Variants in SLC25A15 observed in about 807,000 individuals in gnomAD.
SLC25A15 encodes mitochondrial ornithine transporter 1.
In SLC25A15, 24 loss-of-function variants were observed where a neutral mutation model predicts 32.3. That is an observed-to-expected ratio of 0.74 (90% confidence interval 0.54 to 1.04). The LOEUF is 1.04. Among genes scored for constraint, SLC25A15 ranks in the 50% least tolerant of loss-of-function variants. The pLI, the probability that SLC25A15 is intolerant of heterozygous loss-of-function variation, is 0.00. For synonymous variants in SLC25A15, 132 were observed against 142.1 expected (o/e 0.93, Z 0.51); for missense variants, 317 against 374.5 (o/e 0.85, Z 1.27).
chr13:40,799,079 C>G lies in SLC25A15; in HGVS notation c.78C>G (p.Thr26=). ...CAGGAGGTACAGCATGTGTACTGAC[C>G]GGGCAGCCCTTTGACACAATGAAAG... ...GAAGGTACVL[T]GQPFDTMKVK... is the part of the protein sequence containing the mutation. Residue 26 remains threonine, a synonymous_variant, in exon 3 of 7, where the codon ACC becomes ACG. Coordinates refer to ENST00000338625, the MANE Select transcript of SLC25A15 (RefSeq NM_014252.4). 2 of 1,614,122 alleles carry G rather than the reference C, an allele frequency of 1.2e-6. No homozygotes were observed. The highest frequency in any genetic ancestry group is 1.7e-6 in the Non-Finnish European group (2 of 1,180,006).
intron 3 of SLC25A15, 36 bp downstream of exon 3, chr13:40,799,351 A>T (rs778784726): frequency 6.2e-7 from 1 of 1,613,720 alleles, no homozygotes; most frequent in African/African-American, 1.3e-5. Flanking sequence ...TATTTGTTTA[A>T]AAAAACCCCA....
At chr13:40,793,662 A>T (rs1219169733) in intron 2 of SLC25A15, among the ~76,000 whole-genome samples, 1 of 152,208 alleles carries the variant, frequency 6.6e-6, no homozygotes, top group African/African-American at 2.4e-5. Context: ...CTATTCCTCA[A>T]CTACTCTCTA....
At chr13:40,790,597 A>G (rs1881444332) in intron 1 of SLC25A15, among the ~76,000 whole-genome samples, 1 of 151,902 alleles carries the variant, frequency 6.6e-6, no homozygotes. Flanking sequence ...TTGTTTGTTT[A>G]TTTTTTTGAG....
intron 5 of SLC25A15, among the ~76,000 whole-genome samples, chr13:40,807,746 A>G (rs930478160): frequency 1.3e-5 from 2 of 152,188 alleles, no homozygotes; most frequent in South Asian, 4.1e-4. Flanking sequence ...TTTAGGGGAG[A>G]AGAAATCCAG....
rs1391781189 is a variant in SLC25A15, at chr13:40,810,780, GGC to G, written c.*1114_*1115del. The G allele has an allele frequency of 1.9e-6, 1 of 534,682 alleles. No homozygotes were observed. The highest frequency in any genetic ancestry group is 3.8e-6 in the Non-Finnish European group (1 of 260,108). The allele number at this position is 534,682 out of a possible 1,614,324, so 33.1% of individuals were successfully genotyped here. On this transcript the variant is annotated 3_prime_UTR_variant, in exon 7 of 7. Transcript: ENST00000338625. ...TTCTTGGGCTTTAGATTGAGGAAGG[GGC>G]TGAGTGGTAGGCGGTGCTGCTGTGC... is the stretch of plus-strand genomic sequence containing the variant.
Position 40,810,795 on chromosome 13 carries a change from G to A in SLC25A15, c.*1128G>A, listed in dbSNP as rs188415420. 2.6e-5 allele frequency: 14 copies of A among 534,788 alleles called. No individual in the cohort carries two copies. Among genetic ancestry groups the A allele is most frequent in the East Asian group, 1.1e-4 (2 of 18,356 alleles). 33.1% of individuals were successfully genotyped at this position (534,788 alleles called of 1,614,324 possible). A position where few individuals can be genotyped will look rare whatever the true frequency, so the allele number is the denominator to read the frequency against. ...TTGAGGAAGGGGCTGAGTGGTAGGCGGTGCTGCTGTGCTCTGATGAAGACC... is the reference window on the plus strand; with the variant it reads ...TTGAGGAAGGGGCTGAGTGGTAGGCAGTGCTGCTGTGCTCTGATGAAGACC... On this transcript the variant is annotated 3_prime_UTR_variant, in exon 7 of 7. Transcript: ENST00000338625.
intron 2 of SLC25A15, among the ~76,000 whole-genome samples, chr13:40,797,360 T>A (rs1881700103): frequency 1.3e-5 from 2 of 152,234 alleles, no homozygotes; most frequent in Admixed American, 6.5e-5. Flanking sequence ...TTATTCAGCT[T>A]ATCTGCATCT....
Position 40,793,374 on chromosome 13 carries a change from G to A in SLC25A15, c.55+93G>A, listed in dbSNP as rs111304627. On this transcript the variant is annotated intron_variant, in intron 2 of 6. Coordinates refer to ENST00000338625, the MANE Select transcript of SLC25A15 (RefSeq NM_014252.4). ...GAGATTATACTACCATATTTTTACT[G>A]TACCTTTTCTGTGTTTAGATACATT... is the stretch of plus-strand genomic sequence containing the variant. 10,117 of 1,113,788 alleles carry A rather than the reference G, an allele frequency of 9.1e-3. 81 individuals are homozygous for A. The highest frequency in any genetic ancestry group is 0.023 in the African/African-American group (1,520 of 65,222). 69.0% of individuals were successfully genotyped at this position (1,113,788 alleles called of 1,614,324 possible).
rs760782484 is a variant in SLC25A15, at chr13:40,809,695, C to T, written c.*28C>T. 1.2e-5 allele frequency: 19 copies of T among 1,611,558 alleles called. No homozygotes were observed. The Admixed American group carries it at 2.0e-4, about 17-fold the overall frequency. On this transcript the variant is annotated 3_prime_UTR_variant, in exon 7 of 7. Transcript: ENST00000338625. ...TGTCTTGGTGGGCCTGAGCCAAGCA[C>T]AGGTGTTTGAGGACTACAGTTCATC...
chr13:40,794,009 C>T (rs185065003), intron 2 of SLC25A15, among the ~76,000 whole-genome samples: 25 of 152,304 alleles, frequency 1.6e-4, no homozygotes, highest in Non-Finnish European at 2.9e-4. Context: ...CTTACTGTCC[C>T]TGCTAGTGTT....
chr13:40,799,008 T>C, intron 2 of SLC25A15, 49 bp from the exon 3 acceptor site: 1 of 1,613,680 alleles, frequency 6.2e-7, no homozygotes, highest in Non-Finnish European at 8.5e-7. Flanking sequence ...CTTCCATGGA[T>C]AATGGAACTG....
At chr13:40,790,011 G>A (rs1224091107) in intron 1 of SLC25A15, among the ~76,000 whole-genome samples, 1 of 152,206 alleles carries the variant, frequency 6.6e-6, no homozygotes, top group Non-Finnish European at 1.5e-5. Flanking sequence ...CTGGGCAGGG[G>A]CGGTGAACGT....
At chr13:40,795,784 G>A (rs1016226497) in intron 2 of SLC25A15, among the ~76,000 whole-genome samples, 3 of 152,174 alleles carry the variant, frequency 2.0e-5, no homozygotes, top group African/African-American at 4.8e-5. Flanking sequence ...GAGGATCTTG[G>A]AGTCTTGGAG....
chr13:40,812,415 G>C lies in SLC25A15; in HGVS notation c.*2748G>C, dbSNP rs1882495347. Among the ~76,000 whole-genome samples, 1 of 152,132 alleles carries C rather than the reference G, an allele frequency of 6.6e-6. No individual in the cohort carries two copies. The highest frequency in any genetic ancestry group is 2.1e-4 in the South Asian group (1 of 4,826). On this transcript the variant is annotated 3_prime_UTR_variant, in exon 7 of 7. Coordinates refer to ENST00000338625, the MANE Select transcript of SLC25A15 (RefSeq NM_014252.4). The stretch of plus-strand genomic sequence containing the variant: ...CAGAAATATAACTTGAAAATACTGT[G>C]TCTAAAGAAATTTCAGTGTTCTATC...
chr13:40,792,133 T>C (rs550583146), intron 1 of SLC25A15, among the ~76,000 whole-genome samples: 36 of 152,346 alleles, frequency 2.4e-4, no homozygotes, highest in Non-Finnish European at 4.1e-4. Flanking sequence ...AGTAGTTGAC[T>C]TTTGTCTAAA....
At chr13:40,793,058 G>C (rs747782184) in intron 1 of SLC25A15, 100 bp from the exon 2 acceptor site, 3 of 707,332 alleles carry the variant, frequency 4.2e-6, no homozygotes, top group Non-Finnish European at 5.1e-6. Context: ...TGGACCCCAG[G>C]TCATGGCTCC....
At chr13:40,802,023 A>G (rs1179735841) in intron 3 of SLC25A15, 1 of 152,232 alleles carries the variant, frequency 6.6e-6, no homozygotes, top group Non-Finnish European at 1.5e-5. Context: ...TGTCTGAGCC[A>G]TTATTATATC....
Position 40,811,364 on chromosome 13 carries a change from C to G in SLC25A15, c.*1697C>G, listed in dbSNP as rs1882442754. On this transcript the variant is annotated 3_prime_UTR_variant, in exon 7 of 7. Coordinates refer to ENST00000338625, the MANE Select transcript of SLC25A15 (RefSeq NM_014252.4). ...ATTAGCTGGGCGTGGTGGCACGTGC[C>G]TGTAATCCCAGCTACTCAGGAGGCT... Among the ~76,000 whole-genome samples the G allele has an allele frequency of 3.3e-5, 5 of 152,072 alleles. 1 individual carries two copies. The South Asian group carries it at 1.0e-3, about 32-fold the overall frequency.
chr13:40,800,705 C>T (rs1209317038), intron 3 of SLC25A15, among the ~76,000 whole-genome samples: 2 of 152,178 alleles, frequency 1.3e-5, no homozygotes, highest in African/African-American at 4.8e-5. Flanking sequence ...CCCGCCCCTC[C>T]ACTTTCTTGC....
Sources: gnomAD v4.1 joint callset for allele counts (sites outside exome capture counted in the v4.1 genomes callset) on GRCh38, gnomAD v4.1.1 for gene constraint, MANE v1.5 for transcripts, NCBI Gene and HGNC (gene_info 2026-07-23, HGNC 2026-07-21) for gene names.